Variants in LRGUK observed in about 807,000 individuals in gnomAD.
The protein encoded by LRGUK is leucine rich repeats and guanylate kinase domain containing.
A neutral mutation model predicts 76.0 loss-of-function variants in LRGUK; 65 were observed. That is an observed-to-expected ratio of 0.85 (90% CI 0.70 to 1.05). LRGUK has a LOEUF of 1.05. Among genes scored for constraint, LRGUK ranks in the 50% least tolerant of loss-of-function variants. The pLI is 0.00. For synonymous variants in LRGUK, 268 were observed against 265.6 expected, an observed-to-expected ratio of 1.01 and a Z score of -0.09; for missense variants, 758 against 732.8, an observed-to-expected ratio of 1.03 and a Z score of -0.40.
rs1275171415 is a variant in LRGUK, at chr7:134,136,942, T to C, written c.298-81T>C. 3 of 1,187,238 alleles carry C rather than the reference T, an allele frequency of 2.5e-6. No individual in the cohort carries two copies. In the African/African-American group the frequency reaches 4.6e-5, roughly 18 times the overall value. The allele number at this position is 1,187,238 out of a possible 1,614,324, so 73.5% of individuals were successfully genotyped here. On this transcript the variant is annotated intron_variant, in intron 1 of 15. Coordinates refer to ENST00000645682, the Ensembl canonical transcript of LRGUK. ...GCTCCTGGGTATAAAATATACTAAA[T>C]AAGTGCTGGATATGACAAGATAGAT... is the stretch of plus-strand genomic sequence containing the variant.
At chr7:134,159,919 C>G (rs1460589275) in intron 6 of LRGUK, among the ~76,000 whole-genome samples, 1 of 152,210 alleles carries the variant, frequency 6.6e-6, no homozygotes, top group African/African-American at 2.4e-5. Flanking sequence ...CCTGATCTTT[C>G]ATGTTTTCCG....
intron 7 of LRGUK, among the ~76,000 whole-genome samples, chr7:134,168,728 G>C (rs1012963200): frequency 2.0e-5 from 3 of 152,146 alleles, no homozygotes; most frequent in Non-Finnish European, 4.4e-5. Context: ...TGACTCCCGG[G>C]TTTGCAGCTC....
rs868627495 is a variant in LRGUK at position 134,210,215 on chromosome 7, G to A, written c.3352G>A (p.Asp1118Asn). 8 of 398,988 alleles carry A rather than the reference G, an allele frequency of 2.0e-5. No individual in the cohort carries two copies. In the South Asian group the frequency reaches 8.9e-4, roughly 45 times the overall value. 24.7% of individuals were successfully genotyped at this position (398,988 alleles called of 1,614,324 possible). ...GCCAGCTCCCACCATGGTGCCCGAC[G>A]ATCCCAACCCCAGCCCTCCTCTTGT... Residue 1118 changes from aspartate to asparagine, a missense_variant, in exon 16 of 16, where the codon GAT becomes AAT. Transcript: ENST00000645682.
At chr7:134,131,217 T>G (rs1797290802) in intron 1 of LRGUK, among the ~76,000 whole-genome samples, 1 of 152,232 alleles carries the variant, frequency 6.6e-6, no homozygotes, top group African/African-American at 2.4e-5. Flanking sequence ...AACATGAAAT[T>G]TAATAAGAAA....
intron 19 of LRGUK, among the ~76,000 whole-genome samples, chr7:134,261,865 A>C (rs1802736021): frequency 6.6e-6 from 1 of 152,116 alleles, no homozygotes; most frequent in Admixed American, 6.5e-5. Context: ...GTTCCAATAA[A>C]ATTTTATTTA....
intron 16 of LRGUK, among the ~76,000 whole-genome samples, chr7:134,241,985 T>C (rs917438289): frequency 1.3e-5 from 2 of 152,118 alleles, no homozygotes; most frequent in African/African-American, 4.8e-5. Flanking sequence ...AAGGCAGAAA[T>C]AAAGATGTTC....
chr7:134,200,242 G>C, intron 14 of LRGUK, among the ~76,000 whole-genome samples: 1 of 151,318 alleles, frequency 6.6e-6, no homozygotes, highest in East Asian at 1.9e-4. Flanking sequence ...TAACCATGTT[G>C]TCCAGGCTGG....
the LRGUK span, among the ~76,000 whole-genome samples, chr7:134,271,355 T>C: frequency 1.3e-4 from 19 of 151,892 alleles, no homozygotes; most frequent in Non-Finnish European, 1.9e-4. Flanking sequence ...ACTTTTTAGA[T>C]CTTATGAGTT....
At chr7:134,178,050 C>A (rs1799555592) in intron 9 of LRGUK, among the ~76,000 whole-genome samples, 1 of 152,142 alleles carries the variant, frequency 6.6e-6, no homozygotes, top group Non-Finnish European at 1.5e-5. Context: ...TTGTGGGAAT[C>A]ATTCTTGGTG....
chr7:134,160,088 G>A (rs558390263), intron 6 of LRGUK, among the ~76,000 whole-genome samples: 4 of 152,172 alleles, frequency 2.6e-5, no homozygotes, highest in Non-Finnish European at 5.9e-5. Context: ...TTAGAATCTT[G>A]TTCTTTTCTT....
At chr7:134,223,771 T>C (rs1055060279) in intron 16 of LRGUK, among the ~76,000 whole-genome samples, 26 of 152,134 alleles carry the variant, frequency 1.7e-4, no homozygotes, top group African/African-American at 6.0e-4. Context: ...TTTCCTACTA[T>C]TAGTAGCTTT....
chr7:134,142,173 G>A (rs760516225), intron 3 of LRGUK, among the ~76,000 whole-genome samples: 8 of 152,112 alleles, frequency 5.3e-5, no homozygotes, highest in Admixed American at 6.5e-5. Flanking sequence ...TTGTAATAGC[G>A]CATACTATGA....
At chr7:134,206,438 C>T (rs189027093) in intron 15 of LRGUK, among the ~76,000 whole-genome samples, 32 of 152,152 alleles carry the variant, frequency 2.1e-4, no homozygotes, top group Admixed American at 7.2e-4. Flanking sequence ...TCGCTTGAAC[C>T]AGGGAGTCAG....
At chr7:134,199,364 C>A in exon 14 of LRGUK, 1 of 1,613,680 alleles carries the variant, frequency 6.2e-7, no homozygotes, top group Non-Finnish European at 8.5e-7. Flanking sequence ...CAGAGTGGAC[C>A]TTTATATTAA....
downstream of LRGUK, among the ~76,000 whole-genome samples, chr7:134,214,459 GT>G (rs1308594027): frequency 6.6e-6 from 1 of 152,104 alleles, no homozygotes; most frequent in African/African-American, 2.4e-5. Flanking sequence ...TCATATCAGT[GT>G]TTTTTATGAT....
the LRGUK span, among the ~76,000 whole-genome samples, chr7:134,271,691 C>T: frequency 1.3e-5 from 2 of 151,962 alleles, no homozygotes; most frequent in African/African-American, 2.4e-5. Flanking sequence ...CTCTCCCTAT[C>T]TGTAAACATT....
chr7:134,266,041 CT>C (rs1802848767), downstream of LRGUK, among the ~76,000 whole-genome samples: 2 of 152,322 alleles, frequency 1.3e-5, no homozygotes, highest in South Asian at 4.1e-4. Flanking sequence ...TCACTGCCCT[CT>C]TTCCCACCCT....
chr7:134,201,790 A>G (rs1800783563), intron 15 of LRGUK, among the ~76,000 whole-genome samples: 1 of 152,140 alleles, frequency 6.6e-6, no homozygotes. Context: ...ATGGACCTCC[A>G]GGTACTGCCC....
intron 18 of LRGUK, among the ~76,000 whole-genome samples, chr7:134,252,110 G>T (rs1440651959): frequency 6.6e-6 from 1 of 151,904 alleles, no homozygotes; most frequent in African/African-American, 2.4e-5. Flanking sequence ...AAGGTAGAAG[G>T]ATTGGATCAT....
Sources: gnomAD v4.1 joint callset for allele counts (sites outside exome capture counted in the v4.1 genomes callset) on GRCh38, gnomAD v4.1.1 for gene constraint, MANE v1.5 for transcripts, NCBI Gene and HGNC (gene_info 2026-07-23, HGNC 2026-07-21) for gene names.